Variants in KIF26B observed in about 807,000 individuals in gnomAD.
KIF26B encodes kinesin family member 26B.
A neutral mutation model predicts 151.2 loss-of-function variants in KIF26B; 63 were observed. The observed-to-expected ratio is 0.42, with a 90% confidence interval of 0.34 to 0.51. The LOEUF is 0.51. KIF26B is among the 20% of genes least tolerant of loss of function. The pLI, the probability that KIF26B is intolerant of heterozygous loss-of-function variation, is 0.07. For synonymous variants in KIF26B, 1,357 were observed against 1,262.1 expected (o/e 1.08, Z -1.59); for missense variants, 2,813 against 2,913.6 (o/e 0.97, Z 0.79).
rs1672580214 is a variant in KIF26B at position 245,352,091 on chromosome 1, TTTC to T, written c.466-14738_466-14736del. Among the ~76,000 whole-genome samples, 1 of 152,182 alleles carries T rather than the reference TTTC, an allele frequency of 6.6e-6. No homozygotes were observed. Among genetic ancestry groups the T allele is most frequent in the Non-Finnish European group, 1.5e-5 (1 of 68,018 alleles). ...AGAGAGATCGTCCCTCAATCTTTCA[TTTC>T]TTCTGATTGTCTATCAGTAGGGAAG... On this transcript the variant is annotated intron_variant, in intron 2 of 14. Transcript: ENST00000407071. The surrounding 1 kb of genome is among the most constrained non-coding windows in gnomAD (Gnocchi z 5.0).
chr1:245,440,281 G>T (rs1016138101), intron 4 of KIF26B, among the ~76,000 whole-genome samples: 3 of 152,084 alleles, frequency 2.0e-5, no homozygotes, highest in African/African-American at 7.2e-5. Flanking sequence ...AGCAAAGCCT[G>T]GTGAGCGGGT....
chr1:245,314,175 C>T (rs764417673), intron 2 of KIF26B, among the ~76,000 whole-genome samples: 4 of 152,108 alleles, frequency 2.6e-5, no homozygotes, highest in African/African-American at 4.8e-5. Flanking sequence ...AGGCGGGGGG[C>T]GGTGACTCAC....
intron 3 of KIF26B, among the ~76,000 whole-genome samples, chr1:245,387,496 A>G (rs1235388335): frequency 6.6e-6 from 1 of 152,072 alleles, no homozygotes; most frequent in Non-Finnish European, 1.5e-5. Context: ...CTTTATAACT[A>G]TTCATCAGAC....
intron 9 of KIF26B, among the ~76,000 whole-genome samples, chr1:245,617,908 C>T (rs2043610189): frequency 6.6e-6 from 1 of 152,092 alleles, no homozygotes. Context: ...TTCCCCCCTG[C>T]TCCTTCCCAC....
At chr1:245,155,908 C>G (rs80099465) in intron 1 of KIF26B, among the ~76,000 whole-genome samples, 5 of 152,250 alleles carry the variant, frequency 3.3e-5, no homozygotes, top group East Asian at 3.9e-4. Flanking sequence ...CCCTACCCCC[C>G]CCATAGGGTC....
chr1:245,469,763 A>T (rs1413993480), intron 4 of KIF26B, among the ~76,000 whole-genome samples: 3 of 152,210 alleles, frequency 2.0e-5, no homozygotes, highest in African/African-American at 7.2e-5. Context: ...TTTTAAAGAA[A>T]TGGACAACTT....
chr1:245,203,896 C>T (rs10924118), intron 2 of KIF26B, among the ~76,000 whole-genome samples: 80,663 of 152,054 alleles, frequency 0.53, 22,996 homozygotes, highest in Non-Finnish European at 0.64. Context: ...GGTGCTGCCA[C>T]GTGAACTTTG....
chr1:245,671,753 GGAT>G (rs1271941082), intron 10 of KIF26B, among the ~76,000 whole-genome samples: 10 of 152,140 alleles, frequency 6.6e-5, no homozygotes, highest in African/African-American at 2.4e-4. Flanking sequence ...GATTAGTAGT[GGAT>G]GATAATGAGT....
intron 2 of KIF26B, among the ~76,000 whole-genome samples, chr1:245,299,473 T>G (rs10802208): frequency 0.4 from 60,369 of 151,924 alleles, 12,325 homozygotes; most frequent in East Asian, 0.59. Flanking sequence ...AAATTAATTT[T>G]ATATCTAATG....
At chr1:245,463,242 T>G (rs1159707138) in intron 4 of KIF26B, among the ~76,000 whole-genome samples, 1 of 152,194 alleles carries the variant, frequency 6.6e-6, no homozygotes, top group Non-Finnish European at 1.5e-5. Context: ...AATCCTCACG[T>G]CAATCCCACT....
chr1:245,246,402 C>T (rs994557003), intron 2 of KIF26B, among the ~76,000 whole-genome samples: 6 of 152,228 alleles, frequency 3.9e-5, no homozygotes, highest in African/African-American at 1.4e-4. Context: ...TTAGCTGGTA[C>T]ACATACAGGT....
At chr1:245,523,407 G>T (rs1253238968) in intron 4 of KIF26B, among the ~76,000 whole-genome samples, 2 of 152,228 alleles carry the variant, frequency 1.3e-5, no homozygotes, top group African/African-American at 4.8e-5. Flanking sequence ...GTTAAACAGA[G>T]TATCTGTAGA....
At chr1:245,474,789 C>T (rs188540815) in intron 4 of KIF26B, among the ~76,000 whole-genome samples, 4 of 151,894 alleles carry the variant, frequency 2.6e-5, no homozygotes, top group Admixed American at 2.6e-4. Flanking sequence ...TCTCCCATCC[C>T]CGCTGCCCAT....
At chr1:245,409,230 C>T (rs1474014357) in intron 3 of KIF26B, among the ~76,000 whole-genome samples, 1 of 152,204 alleles carries the variant, frequency 6.6e-6, no homozygotes, top group South Asian at 2.1e-4. Context: ...TTTTAAAAAG[C>T]TTGATCTCTA....
Position 245,687,974 on chromosome 1 carries a change from G to C in KIF26B, c.4991G>C (p.Ser1664Thr). 6.3e-7 allele frequency: 1 copy of C among 1,582,946 alleles called. No individual in the cohort carries two copies. The highest frequency in any genetic ancestry group is 8.6e-7 in the Non-Finnish European group (1 of 1,166,464). Residue 1664 changes from serine (S) to threonine (T), a missense_variant, in exon 12 of 15, where the codon AGC becomes ACC. Transcript: ENST00000407071. This position sits in a 1 kb window ranked among gnomAD's most constrained non-coding sequence, Gnocchi z 4.9. ...AGTGCCAAGCTGGAGCAGCTGGCCA[G>C]CAGAAGCAACTCGCTGGGCAGGGCG... ...LFSAKLEQLA[S>T]RSNSLGRATV...
intron 2 of KIF26B, among the ~76,000 whole-genome samples, chr1:245,315,123 T>C (rs1671741459): frequency 6.6e-6 from 1 of 152,188 alleles, no homozygotes; most frequent in South Asian, 2.1e-4. Flanking sequence ...GAGGTTGCGG[T>C]GAGCCGAGAT....
intron 2 of KIF26B, among the ~76,000 whole-genome samples, chr1:245,259,796 A>G (rs1191267844): frequency 1.3e-5 from 2 of 152,050 alleles, no homozygotes; most frequent in Non-Finnish European, 2.9e-5. Context: ...TTAGCCAGAT[A>G]TGGTGGCATG....
In KIF26B at chr1:245,708,127, G is replaced by A. The variant is rs2044864321; in HGVS notation, c.*5521G>A. 1 of 152,242 alleles carries A rather than the reference G, an allele frequency of 6.6e-6. No individual in the cohort carries two copies. Among genetic ancestry groups the A allele is most frequent in the African/African-American group, 2.4e-5 (1 of 41,454 alleles). The allele number at this position is 152,242 out of a possible 1,614,324, so 9.4% of individuals were successfully genotyped here. On this transcript the variant is annotated 3_prime_UTR_variant, in exon 15 of 15. Transcript: ENST00000407071. Reference sequence around the variant, plus strand: ...GCAAGGACATGGGCCGCCAGGCCTGGTTGTTACTAGCTGTGCAACCTTGGG... The same window carrying A: ...GCAAGGACATGGGCCGCCAGGCCTGATTGTTACTAGCTGTGCAACCTTGGG...
At chr1:245,668,966 A>G (rs2044250569) in intron 10 of KIF26B, among the ~76,000 whole-genome samples, 2 of 152,256 alleles carry the variant, frequency 1.3e-5, no homozygotes, top group Admixed American at 1.3e-4. Flanking sequence ...TGCTGGGATT[A>G]CAGGCATGAG....
Sources: allele counts gnomAD v4.1 joint callset (sites outside exome capture counted in the v4.1 genomes callset), GRCh38; gene constraint gnomAD v4.1.1; non-coding constraint Gnocchi (gnomAD v3.1); transcripts MANE v1.5; gene names NCBI Gene and HGNC (gene_info 2026-07-23, HGNC 2026-07-21).